Variants in TAS2R1 observed in about 807,000 individuals in gnomAD.
TAS2R1 encodes taste receptor type 2 member 1.
For missense variants in TAS2R1, 370 were observed against 353.4 expected, an observed-to-expected ratio of 1.05 and a Z score of -0.38; for synonymous variants, 141 against 134.2, an observed-to-expected ratio of 1.05 and a Z score of -0.35.
intron 2 of TAS2R1, chr5:9,641,274 C>T (rs946301108): frequency 6.6e-6 from 1 of 152,180 alleles, no homozygotes; most frequent in Non-Finnish European, 1.5e-5. Context: ...TCTATTACAA[C>T]TTTTGTTTTA....
the TAS2R1 span, among the ~76,000 whole-genome samples, chr5:9,845,152 G>A: frequency 6.6e-6 from 1 of 152,086 alleles, no homozygotes; most frequent in Non-Finnish European, 1.5e-5. Flanking sequence ...TGGGAGTGGA[G>A]CCCTCATGAT....
chr5:9,657,514 A>T (rs1045151629), intron 2 of TAS2R1, among the ~76,000 whole-genome samples: 1 of 152,192 alleles, frequency 6.6e-6, no homozygotes, highest in African/African-American at 2.4e-5. Flanking sequence ...GAGGATTGAA[A>T]GTGATCTGAA....
the TAS2R1 span, among the ~76,000 whole-genome samples, chr5:9,797,283 G>A: frequency 2.0e-4 from 31 of 152,268 alleles, no homozygotes; most frequent in African/African-American, 7.5e-4. Context: ...GGGTACTGCT[G>A]ACGTACCCTA....
chr5:9,854,881 T>A, the TAS2R1 span, among the ~76,000 whole-genome samples: 1 of 152,354 alleles, frequency 6.6e-6, no homozygotes, highest in South Asian at 2.1e-4. Context: ...ATAAAAAGAT[T>A]TGAGTTGCCA....
chr5:9,869,044 T>C, the TAS2R1 span, among the ~76,000 whole-genome samples: 152,198 of 152,256 alleles, frequency 1, 76,070 homozygotes, highest in Non-Finnish European at 1. Flanking sequence ...ATCTTCCTGT[T>C]TTCTGAGCCC....
chr5:9,849,009 C>T, the TAS2R1 span, among the ~76,000 whole-genome samples: 3 of 152,176 alleles, frequency 2.0e-5, no homozygotes, highest in South Asian at 6.2e-4. Flanking sequence ...CGTTTCCTTG[C>T]CAATCAATGT....
chr5:9,639,020 C>A (rs1363595963), intron 2 of TAS2R1, among the ~76,000 whole-genome samples: 1 of 152,178 alleles, frequency 6.6e-6, no homozygotes, highest in Non-Finnish European at 1.5e-5. Context: ...GGAAAGCAAG[C>A]ATGGCTTTCA....
the TAS2R1 span, among the ~76,000 whole-genome samples, chr5:9,894,332 A>G: frequency 1.3e-5 from 2 of 152,012 alleles, no homozygotes; most frequent in African/African-American, 2.4e-5. Flanking sequence ...TGAACCTGGG[A>G]AGTGGAGGTT....
chr5:9,739,500 A>C, the TAS2R1 span, among the ~76,000 whole-genome samples: 2 of 152,210 alleles, frequency 1.3e-5, no homozygotes, highest in Non-Finnish European at 2.9e-5. Context: ...AAGGAGTCAC[A>C]ATTGCAAGAT....
At chr5:9,782,834 T>C in the TAS2R1 span, among the ~76,000 whole-genome samples, 1 of 152,046 alleles carries the variant, frequency 6.6e-6, no homozygotes, top group Non-Finnish European at 1.5e-5. Context: ...GAGGGAGTGA[T>C]TCTTATCTGA....
chr5:9,826,953 A>G, the TAS2R1 span, among the ~76,000 whole-genome samples: 1 of 152,066 alleles, frequency 6.6e-6, no homozygotes, highest in African/African-American at 2.4e-5. Context: ...AATACTTCTA[A>G]TACTACACAC....
the TAS2R1 span, among the ~76,000 whole-genome samples, chr5:9,780,085 C>T: frequency 6.6e-6 from 1 of 152,204 alleles, no homozygotes; most frequent in East Asian, 1.9e-4. Context: ...CCTGCACCAT[C>T]AGTTTTCCCC....
the TAS2R1 span, among the ~76,000 whole-genome samples, chr5:9,812,735 G>C: frequency 1.3e-5 from 2 of 152,130 alleles, no homozygotes; most frequent in East Asian, 3.9e-4. Context: ...GGAATAAACA[G>C]TGACCAAAAC....
chr5:9,779,014 T>C, the TAS2R1 span, among the ~76,000 whole-genome samples: 1 of 152,178 alleles, frequency 6.6e-6, no homozygotes, highest in East Asian at 1.9e-4. Context: ...GGTTTGGATG[T>C]TTTTTCCCCT....
At chr5:9,861,397 CT>C in the TAS2R1 span, among the ~76,000 whole-genome samples, 1 of 152,132 alleles carries the variant, frequency 6.6e-6, no homozygotes, top group Non-Finnish European at 1.5e-5. Flanking sequence ...ATTATTTTGT[CT>C]GTTTGGATCA....
chr5:9,674,824 T>A (rs1297234984), intron 1 of TAS2R1, among the ~76,000 whole-genome samples: 1 of 152,066 alleles, frequency 6.6e-6, no homozygotes, highest in African/African-American at 2.4e-5. Context: ...CTCTCCTCAC[T>A]TCTATTCAAG....
chr5:9,865,695 TTCTTA>T, the TAS2R1 span, among the ~76,000 whole-genome samples: 4 of 152,256 alleles, frequency 2.6e-5, no homozygotes, highest in African/African-American at 9.6e-5. Flanking sequence ...CACAGTTATT[TTCTTA>T]TATCACTTTA....
the TAS2R1 span, among the ~76,000 whole-genome samples, chr5:9,761,525 G>C: frequency 6.6e-6 from 1 of 152,052 alleles, no homozygotes; most frequent in African/African-American, 2.4e-5. Flanking sequence ...AACTCCAGAA[G>C]GATAGAAGAA....
At chr5:9,773,881 T>A in the TAS2R1 span, among the ~76,000 whole-genome samples, 2,107 of 152,306 alleles carry the variant, frequency 0.014, 57 homozygotes, top group African/African-American at 0.048. Flanking sequence ...GCTAATTAAA[T>A]GTCTTGATGT....
Sources: gnomAD v4.1 joint callset for allele counts (sites outside exome capture counted in the v4.1 genomes callset) on GRCh38, gnomAD v4.1.1 for gene constraint, MANE v1.5 for transcripts, NCBI Gene and HGNC (gene_info 2026-07-23, HGNC 2026-07-21) for gene names.